Variants in RALB observed in about 807,000 individuals in gnomAD.
RALB encodes ras-related protein Ral-B.
In RALB, 16 loss-of-function variants were observed where a neutral mutation model predicts 21.3. The ratio of observed to expected loss-of-function variants is 0.75; its 90% CI spans 0.51 to 1.14. RALB has a LOEUF of 1.14. Among genes scored for constraint, RALB ranks in the 50% most tolerant of loss-of-function variants. The probability of loss-of-function intolerance (pLI) is 0.00; values close to 1 mark genes in which losing one functional copy is unlikely to be tolerated. For synonymous variants in RALB, 93 were observed against 96.1 expected (o/e 0.97, Z 0.19); for missense variants, 161 against 256.2 (o/e 0.63, Z 2.54).
chr2:120,266,890 G>C (rs1461181877), intron 1 of RALB, among the ~76,000 whole-genome samples: 1 of 152,198 alleles, frequency 6.6e-6, no homozygotes, highest in Non-Finnish European at 1.5e-5. Flanking sequence ...GGGACAAACA[G>C]ACCTCATCTT....
intron 2 of RALB, among the ~76,000 whole-genome samples, chr2:120,279,302 T>A (rs1474215671): frequency 6.6e-6 from 1 of 152,094 alleles, no homozygotes; most frequent in Non-Finnish European, 1.5e-5. Context: ...TTGAGTTCAG[T>A]GTGACAACAC....
At chr2:120,243,788 T>C (rs1049620331) in intron 1 of RALB, among the ~76,000 whole-genome samples, 1 of 152,198 alleles carries the variant, frequency 6.6e-6, no homozygotes, top group African/African-American at 2.4e-5. Context: ...GTATGGCCCC[T>C]GTATTGCATC....
intron 1 of RALB, among the ~76,000 whole-genome samples, chr2:120,244,502 G>T (rs935599507): frequency 2.4e-4 from 37 of 152,220 alleles, no homozygotes; most frequent in African/African-American, 8.2e-4. Flanking sequence ...GTAAGCTGGG[G>T]TCAGTAAGCT....
intron 1 of RALB, among the ~76,000 whole-genome samples, chr2:120,268,596 C>T (rs1689563193): frequency 6.6e-6 from 1 of 152,068 alleles, no homozygotes; most frequent in South Asian, 2.1e-4. Context: ...GTTGCTTGAG[C>T]CCAAGATGTT....
intron 3 of RALB, among the ~76,000 whole-genome samples, chr2:120,286,392 T>G (rs1307816931): frequency 6.6e-6 from 1 of 152,186 alleles, no homozygotes; most frequent in Non-Finnish European, 1.5e-5. Context: ...TTCCTATAAA[T>G]ACTCAGAGAT....
At position 120,277,732 on chromosome 2, in the gene RALB, T is replaced by C. The variant is rs558447739; in HGVS notation, c.-47-886T>C. 4.6e-5 allele frequency among the ~76,000 whole-genome samples: 7 copies of C among 152,028 alleles called. No homozygotes were observed. The South Asian group carries it at 8.3e-4, about 18-fold the overall frequency. ...GTGTGATAGTGCGTGTGTGATAGTG[T>C]GTGAGCTTGTGTGTGAATGTGAGCA... On this transcript the variant is annotated intron_variant, in intron 1 of 4. Transcript: ENST00000272519.
intron 1 of RALB, among the ~76,000 whole-genome samples, chr2:120,263,412 C>A (rs1689421499): frequency 6.6e-6 from 1 of 152,136 alleles, no homozygotes; most frequent in Admixed American, 6.5e-5. Context: ...GCTTCTTTGG[C>A]CTCCCAAAAT....
intron 2 of RALB, among the ~76,000 whole-genome samples, chr2:120,279,817 A>G (rs528720287): frequency 2.0e-5 from 3 of 152,318 alleles, no homozygotes; most frequent in African/African-American, 7.2e-5. Context: ...AGTTAAGATC[A>G]CTACCTCTTT....
intron 1 of RALB, among the ~76,000 whole-genome samples, chr2:120,257,197 T>A (rs1689221449): frequency 6.6e-6 from 1 of 152,242 alleles, no homozygotes; most frequent in South Asian, 2.1e-4. Flanking sequence ...TAGTCATTCA[T>A]TATCTGTGTG....
At chr2:120,287,914 C>T (rs1435163156) in intron 3 of RALB, among the ~76,000 whole-genome samples, 1 of 152,224 alleles carries the variant, frequency 6.6e-6, no homozygotes, top group Non-Finnish European at 1.5e-5. Flanking sequence ...AGTCACTTTA[C>T]TTCATGTCTG....
chr2:120,268,545 T>G (rs1347331958), intron 1 of RALB, among the ~76,000 whole-genome samples: 1 of 152,072 alleles, frequency 6.6e-6, no homozygotes, highest in Non-Finnish European at 1.5e-5. Context: ...TACTCTGGAG[T>G]TGGGGGCAGA....
chr2:120,256,373 G>A (rs1421140088), intron 1 of RALB, among the ~76,000 whole-genome samples: 3 of 152,072 alleles, frequency 2.0e-5, no homozygotes, highest in African/African-American at 7.2e-5. Flanking sequence ...GTATATTCGT[G>A]GCTGATATGG....
chr2:120,243,660 A>T (rs1209326307), intron 1 of RALB, among the ~76,000 whole-genome samples: 1 of 152,110 alleles, frequency 6.6e-6, no homozygotes, highest in Non-Finnish European at 1.5e-5. Flanking sequence ...GGCCCCTGAG[A>T]TTTGCCCACC....
At chr2:120,282,025 C>T (rs1182708729) in intron 2 of RALB, among the ~76,000 whole-genome samples, 2 of 152,178 alleles carry the variant, frequency 1.3e-5, no homozygotes, top group Non-Finnish European at 2.9e-5. Flanking sequence ...TCACACAGGA[C>T]AGCCCCGAAC....
At chr2:120,284,916 A>G (rs1482953588) in intron 2 of RALB, among the ~76,000 whole-genome samples, 2 of 152,150 alleles carry the variant, frequency 1.3e-5, no homozygotes, top group Admixed American at 6.5e-5. Context: ...TTCACTCAGC[A>G]TCATGTTTTG....
chr2:120,293,337 T>A lies in RALB; in HGVS notation c.*77T>A. The A allele has an allele frequency of 7.1e-7, 1 of 1,412,124 alleles. No individual in the cohort carries two copies. The highest frequency in any genetic ancestry group is 9.3e-7 in the Non-Finnish European group (1 of 1,071,012). 87.5% of individuals were successfully genotyped at this position (1,412,124 alleles called of 1,614,324 possible). A position where few individuals can be genotyped will look rare whatever the true frequency, so the allele number is the denominator to read the frequency against. ...TGGTAAAGAGAAGGCTATGGTTGAC[T>A]TCTTGCTTGTGCTTCCCACTCTCCC... On this transcript the variant is annotated 3_prime_UTR_variant, in exon 5 of 5. Coordinates refer to ENST00000272519, the MANE Select transcript of RALB (RefSeq NM_002881.3).
At chr2:120,261,027 C>G (rs1349517386) in intron 1 of RALB, among the ~76,000 whole-genome samples, 1 of 152,104 alleles carries the variant, frequency 6.6e-6, no homozygotes, top group Non-Finnish European at 1.5e-5. Context: ...ATCTTGGGCT[C>G]CACTCCAGAC....
chr2:120,278,009 G>A (rs563381053), intron 1 of RALB, among the ~76,000 whole-genome samples: 13 of 147,040 alleles, frequency 8.8e-5, no homozygotes, highest in Non-Finnish European at 1.8e-4. Context: ...GCGAGTGTGT[G>A]AGCATGTGTG....
chr2:120,253,099 G>C, intron 1 of RALB, 119 bp downstream of exon 1: 1 of 711,024 alleles, frequency 1.4e-6, no homozygotes, highest in Non-Finnish European at 1.7e-6. Flanking sequence ...GGCGGCGGCA[G>C]GACATGTCGC....
Sources: allele counts gnomAD v4.1 joint callset (sites outside exome capture counted in the v4.1 genomes callset), GRCh38; gene constraint gnomAD v4.1.1; transcripts MANE v1.5; gene names NCBI Gene and HGNC (gene_info 2026-07-23, HGNC 2026-07-21).